ITGA9: variants seen among roughly 807,000 people sequenced by gnomAD.
The protein encoded by ITGA9 is integrin alpha-9.
ITGA9 carries 56 observed loss-of-function variants against 127.8 expected under a neutral mutation model. The ratio of observed to expected loss-of-function variants is 0.44; its 90% CI spans 0.35 to 0.55. The LOEUF is 0.55. Among genes scored for constraint, ITGA9 ranks in the 20% least tolerant of loss-of-function variants. The probability of loss-of-function intolerance (pLI) is 0.00; values close to 1 mark genes in which losing one functional copy is unlikely to be tolerated. For synonymous variants in ITGA9, 508 were observed against 514.5 expected, an observed-to-expected ratio of 0.99 and a Z score of 0.17; for missense variants, 1,196 against 1,347.1, an observed-to-expected ratio of 0.89 and a Z score of 1.76.
At chr3:37,478,312 G>A (rs979470369) in intron 3 of ITGA9, among the ~76,000 whole-genome samples, 1 of 152,192 alleles carries the variant, frequency 6.6e-6, no homozygotes, top group African/African-American at 2.4e-5. Context: ...TAGGAGGGTT[G>A]GCAGGGACTG....
At chr3:37,626,517 G>T (rs1700177194) in intron 15 of ITGA9, among the ~76,000 whole-genome samples, 1 of 152,126 alleles carries the variant, frequency 6.6e-6, no homozygotes, top group African/African-American at 2.4e-5. Flanking sequence ...ATAAATAAAA[G>T]AAATAAAAGA....
chr3:37,797,504 G>A (rs899129506), intron 26 of ITGA9, among the ~76,000 whole-genome samples: 2 of 152,142 alleles, frequency 1.3e-5, no homozygotes, highest in East Asian at 3.9e-4. Flanking sequence ...GAAAACAGGA[G>A]TAAGGCAGGC....
intron 1 of ITGA9, among the ~76,000 whole-genome samples, chr3:37,468,485 T>G (rs1213702342): frequency 6.6e-6 from 1 of 152,300 alleles, no homozygotes; most frequent in Admixed American, 6.5e-5. Flanking sequence ...TTGTGATATC[T>G]GCCAGCCTTT....
chr3:37,694,819 A>T (rs532340834), intron 18 of ITGA9, among the ~76,000 whole-genome samples: 1 of 152,350 alleles, frequency 6.6e-6, no homozygotes, highest in East Asian at 1.9e-4. Context: ...CTTGAAAAGA[A>T]AGCCATGAAA....
intron 13 of ITGA9, among the ~76,000 whole-genome samples, chr3:37,531,031 G>A (rs535033088): frequency 3.3e-5 from 5 of 152,140 alleles, no homozygotes; most frequent in South Asian, 4.1e-4. Flanking sequence ...GATTACAGGC[G>A]TGAGCCACCG....
chr3:37,473,816 AC>A (rs1698462381), intron 3 of ITGA9, among the ~76,000 whole-genome samples: 1 of 152,178 alleles, frequency 6.6e-6, no homozygotes, highest in Admixed American at 6.5e-5. Flanking sequence ...CACCTGTGTA[AC>A]CATATGCCCA....
At chr3:37,519,139 A>C (rs2125580376) in intron 10 of ITGA9, 121 bp from the exon 11 acceptor site, 1 of 747,518 alleles carries the variant, frequency 1.3e-6, no homozygotes, top group South Asian at 1.5e-5. Context: ...TTAATGCTTG[A>C]ACAATCAACA....
Position 37,471,035 on chromosome 3 carries a change from T to G in ITGA9, c.214T>G (p.Ser72Ala), listed in dbSNP as rs749226162. 1.9e-6 allele frequency: 3 copies of G among 1,614,110 alleles called. No homozygotes were observed. Among genetic ancestry groups the G allele is most frequent in the Non-Finnish European group, 2.5e-6 (3 of 1,179,992 alleles). ...WVLVGAPKAD[S>A]KYSPSVKSPG... ...CCTTGTGGGCGCACCAAAGGCAGAT[T>G]CCAAATACAGCCCTTCAGTGAAGTC... is the stretch of plus-strand genomic sequence containing the variant. Residue 72 changes from serine to alanine, a missense_variant, in exon 2 of 28, where the codon TCC (serine) becomes GCC (alanine). By Grantham distance (99) the Ser-to-Ala change is moderately conservative (BLOSUM62 1). Transcript: ENST00000264741.
chr3:37,723,144 C>G (rs577096885), intron 18 of ITGA9, among the ~76,000 whole-genome samples: 1 of 152,178 alleles, frequency 6.6e-6, no homozygotes, highest in African/African-American at 2.4e-5. Context: ...GATCCTTTAC[C>G]CATTTGATAG....
intron 7 of ITGA9, among the ~76,000 whole-genome samples, chr3:37,506,526 C>T (rs1009874866): frequency 6.6e-6 from 1 of 152,196 alleles, no homozygotes; most frequent in Non-Finnish European, 1.5e-5. Flanking sequence ...TTTATTTCCC[C>T]AGTGTTTGAG....
At chr3:37,801,489 G>A (rs1321665949) in intron 26 of ITGA9, among the ~76,000 whole-genome samples, 1 of 152,092 alleles carries the variant, frequency 6.6e-6, no homozygotes, top group Admixed American at 6.6e-5. Flanking sequence ...AAAGTAAAAA[G>A]AGCTGGGAGT....
intron 27 of ITGA9, 86 bp from the exon 28 acceptor site, chr3:37,818,805 C>A: frequency 1.0e-6 from 1 of 984,216 alleles, no homozygotes; most frequent in Non-Finnish European, 1.6e-6. Context: ...GCAGGTCACA[C>A]CTACCCAGGG....
At position 37,821,853 on chromosome 3, in the gene ITGA9, C is replaced by T. The variant is rs1697519002; in HGVS notation, c.*2864C>T. On this transcript the variant is annotated 3_prime_UTR_variant, in exon 28 of 28. Transcript: ENST00000264741. ...ATCACCACCAGCAGATACTGAAAGCCTCCCCAGGAACCTGTCTGGGGAAGG... is the reference window on the plus strand; with the variant it reads ...ATCACCACCAGCAGATACTGAAAGCTTCCCCAGGAACCTGTCTGGGGAAGG... 6.6e-6 allele frequency: 1 copy of T among 152,042 alleles called. No homozygotes were observed. Among genetic ancestry groups the T allele is most frequent in the South Asian group, 2.1e-4 (1 of 4,816 alleles). 9.4% of individuals were successfully genotyped at this position (152,042 alleles called of 1,614,324 possible).
At chr3:37,800,879 C>T (rs571140858) in intron 26 of ITGA9, among the ~76,000 whole-genome samples, 1 of 152,220 alleles carries the variant, frequency 6.6e-6, no homozygotes, top group South Asian at 2.1e-4. Flanking sequence ...GAGAAAGAAA[C>T]CAGATGCATG....
rs1575254910 is a variant in ITGA9, at chr3:37,820,360, T to G, written c.*1371T>G. ...ATTCCTGCTGGCGTAATGGCTCCAG[T>G]AGCTCAGGACAGTCCTCTAAAGGAC... On this transcript the variant is annotated 3_prime_UTR_variant, in exon 28 of 28. Transcript: ENST00000264741. 6.6e-6 allele frequency: 1 copy of G among 152,260 alleles called. No individual in the cohort carries two copies. The highest frequency in any genetic ancestry group is 2.4e-5 in the African/African-American group (1 of 41,446). The allele number at this position is 152,260 out of a possible 1,614,324, so 9.4% of individuals were successfully genotyped here. A position where few individuals can be genotyped will look rare whatever the true frequency, so the allele number is the denominator to read the frequency against.
At chr3:37,703,575 T>C (rs1245811795) in intron 18 of ITGA9, among the ~76,000 whole-genome samples, 1 of 152,224 alleles carries the variant, frequency 6.6e-6, no homozygotes, top group Non-Finnish European at 1.5e-5. Context: ...AGTATATTTG[T>C]ATCTATAGTC....
At chr3:37,599,543 G>A (rs78433718) in intron 15 of ITGA9, among the ~76,000 whole-genome samples, 1,668 of 152,288 alleles carry the variant, frequency 0.011, 18 homozygotes, top group Non-Finnish European at 0.015. Context: ...AAGTTCAAGG[G>A]ATGGGAAAAT....
chr3:37,493,819 T>C (rs927688424), intron 4 of ITGA9, among the ~76,000 whole-genome samples: 2 of 152,190 alleles, frequency 1.3e-5, no homozygotes, highest in Admixed American at 6.5e-5. Flanking sequence ...GTCAAAAGTT[T>C]CCTACCCCTC....
intron 26 of ITGA9, among the ~76,000 whole-genome samples, chr3:37,789,088 T>C (rs1377765633): frequency 1.3e-5 from 2 of 152,236 alleles, no homozygotes; most frequent in African/African-American, 4.8e-5. Context: ...TATTTTCTCC[T>C]GTGTGCCTTT....
Sources: allele counts gnomAD v4.1 joint callset (sites outside exome capture counted in the v4.1 genomes callset), GRCh38; gene constraint gnomAD v4.1.1; transcripts MANE v1.5; gene names NCBI Gene and HGNC (gene_info 2026-07-23, HGNC 2026-07-21).